The following COL6A1 variants were observed in gnomAD, a reference collection of about 807,000 sequenced individuals.
COL6A1 encodes collagen alpha-1(VI) chain.
In COL6A1, 80 loss-of-function variants were observed where a neutral mutation model predicts 145.6. The ratio of observed to expected loss-of-function variants is 0.55; its 90% CI spans 0.46 to 0.66. The LOEUF is 0.66. Among genes scored for constraint, COL6A1 ranks in the 30% least tolerant of loss-of-function variants. COL6A1 has a pLI of 0.00. For synonymous variants in COL6A1, 638 were observed against 622.8 expected (o/e 1.02, Z -0.36); for missense variants, 1,364 against 1,473.8 (o/e 0.93, Z 1.22).
rs115289817 is a variant in COL6A1, at chr21:46,004,100, C to T, written c.*87C>T. ...GAGTAAAATGTGATGCGAATTTTCCCGACCAACCTGATTCGCTAGATTTTT... is the reference window on the plus strand; with the variant it reads ...GAGTAAAATGTGATGCGAATTTTCCTGACCAACCTGATTCGCTAGATTTTT... On this transcript the variant is annotated 3_prime_UTR_variant, in exon 35 of 35. Transcript: ENST00000361866. 2.0e-3 allele frequency: 3,013 copies of T among 1,533,632 alleles called. 51 individuals carry two copies. In the African/African-American group the frequency reaches 0.038, roughly 19 times the overall value.
At chr21:45,999,893 T>TGGGA (rs2077829295) in intron 27 of COL6A1, among the ~76,000 whole-genome samples, 1 of 43,410 alleles carries the variant, frequency 2.3e-5, no homozygotes, top group African/African-American at 9.4e-5. Flanking sequence ...GTGAGGACCA[T>TGGGA]AGAGGGGACA....
In COL6A1 at chr21:46,003,717, TCGTCCGGCG is replaced by T; in HGVS notation, c.2793_2801del (p.Ser932_Ala934del). On this transcript the variant is annotated inframe_deletion, in exon 35 of 35. Coordinates refer to ENST00000361866, the MANE Select transcript of COL6A1 (RefSeq NM_001848.3). ...TGTGACCCGCTTCTACCGCGAGGCC[TCGTCCGGCG>T]CTGCCAAGAAGAGGCTGCTGCTCTT... 1 of 1,613,000 alleles carries T rather than the reference TCGTCCGGCG, an allele frequency of 6.2e-7. No individual in the cohort carries two copies. The highest frequency in any genetic ancestry group is 8.5e-7 in the Non-Finnish European group (1 of 1,179,906).
chr21:45,997,300 G>C (rs1371624932), intron 20 of COL6A1, 121 bp from the exon 21 acceptor site: 1 of 915,854 alleles, frequency 1.1e-6, no homozygotes, highest in East Asian at 2.5e-5. Context: ...GCACTGATGG[G>C]ACTGGGGCCA....
In COL6A1 at chr21:45,988,433, G is replaced by T. The variant is rs4991672; in HGVS notation, c.805-651G>T. Reference sequence around the variant, plus strand: ...GGAGGGGACGTCGGGGCTCCAGATGGAGGGGACGGCGGGGTCCAGATGGAG... The same window carrying T: ...GGAGGGGACGTCGGGGCTCCAGATGTAGGGGACGGCGGGGTCCAGATGGAG... On this transcript the variant is annotated intron_variant, in intron 8 of 34. Transcript: ENST00000361866. 0.023 allele frequency among the ~76,000 whole-genome samples: 734 copies of T among 32,546 alleles called. 136 individuals are homozygous for T. The East Asian group carries it at 0.39, about 17-fold the overall frequency. 21.4% of individuals were successfully genotyped at this position (32,546 alleles called of 152,430 possible). A position where few individuals can be genotyped will look rare whatever the true frequency, so the allele number is the denominator to read the frequency against.
intron 28 of COL6A1, 49 bp from the exon 29 acceptor site, chr21:46,000,710 G>T: frequency 6.2e-7 from 1 of 1,613,638 alleles, no homozygotes; most frequent in Non-Finnish European, 8.5e-7. Context: ...TCTGACGTGC[G>T]CAGGACGCGG....
chr21:45,986,286 G>A (rs552528559), intron 3 of COL6A1, among the ~76,000 whole-genome samples: 1 of 152,318 alleles, frequency 6.6e-6, no homozygotes, highest in African/African-American at 2.4e-5. Flanking sequence ...CTCCTTTGGG[G>A]TCATGGGTGC....
intron 4 of COL6A1, 44 bp from the exon 5 acceptor site, chr21:45,986,900 A>G (rs1362185895): frequency 1.3e-6 from 2 of 1,537,128 alleles, no homozygotes; most frequent in Middle Eastern, 1.8e-4. Flanking sequence ...CCCGGCCGTC[A>G]GGGGTCCCAG....
At position 45,983,300 on chromosome 21, in the gene COL6A1, G is replaced by A. The variant is rs191953808; in HGVS notation, c.227+537G>A. Among the ~76,000 whole-genome samples, 238 of 152,172 alleles carry A rather than the reference G, an allele frequency of 1.6e-3. 2 individuals carry two copies. Among genetic ancestry groups the A allele is most frequent in the East Asian group, 5.8e-3 (30 of 5,156 alleles). On this transcript the variant is annotated intron_variant, in intron 2 of 34. Transcript: ENST00000361866. ...AGGCTTGGTTCTGGGCTTGGGACACGGCACCCTCTGCTCCACGTTCCTCCA... is the reference window on the plus strand; with the variant it reads ...AGGCTTGGTTCTGGGCTTGGGACACAGCACCCTCTGCTCCACGTTCCTCCA...
In COL6A1 at chr21:45,994,278, G is replaced by T. The variant is rs1453436597; in HGVS notation, c.1398+49G>T. On this transcript the variant is annotated intron_variant, in intron 20 of 34. Coordinates refer to ENST00000361866, the MANE Select transcript of COL6A1 (RefSeq NM_001848.3). The surrounding 1 kb of genome is among the most constrained non-coding windows in gnomAD (Gnocchi z 6.8). ...GGGCGTTGGCCAATTTGGGTTTTGG[G>T]GGTAGAAGTGCTCCAGCAGCTCACG... 12 of 1,552,470 alleles carry T rather than the reference G, an allele frequency of 7.7e-6. No homozygotes were observed. Among genetic ancestry groups the T allele is most frequent in the Non-Finnish European group, 1.1e-5 (12 of 1,137,044 alleles).
intron 19 of COL6A1, 52 bp downstream of exon 19, chr21:45,992,862 G>C: frequency 1.3e-6 from 2 of 1,514,852 alleles, no homozygotes; most frequent in Non-Finnish European, 1.8e-6. Context: ...GGCAGGCGGA[G>C]GCTGGGGCTG....
Position 45,998,441 on chromosome 21 carries a change from C to T in COL6A1, c.1611+8C>T, listed in dbSNP as rs376055208. ...GGCGCTCCCGGGATAAACGTGAGTA[C>T]GCCCCCTCCTCCATCTGGCTGTGGG... On this transcript the variant is annotated splice_region_variant and intron_variant, in intron 24 of 34. Transcript: ENST00000361866. 33 of 1,613,110 alleles carry T rather than the reference C, an allele frequency of 2.0e-5. No homozygotes were observed. The highest frequency in any genetic ancestry group is 1.1e-4 in the African/African-American group (8 of 74,934).
intron 30 of COL6A1, 55 bp from the exon 31 acceptor site, chr21:46,001,906 G>A: frequency 2.7e-6 from 4 of 1,507,662 alleles, no homozygotes; most frequent in South Asian, 2.3e-5. Flanking sequence ...CCCTTGGGAA[G>A]CTTATGCGGA....
At chr21:45,996,168 C>T (rs867541931) in intron 20 of COL6A1, among the ~76,000 whole-genome samples, 1 of 152,242 alleles carries the variant, frequency 6.6e-6, no homozygotes, top group Non-Finnish European at 1.5e-5. Context: ...CTGCCTCCCA[C>T]TTACCTGGCC....
rs756721202 is a variant in COL6A1, at chr21:46,003,446, G to A, written c.2520G>A (p.Val840=). The change falls in exon 35 of 35, where the codon GTG becomes GTA. Residue 840 remains valine, a synonymous_variant. Coordinates refer to ENST00000361866, the MANE Select transcript of COL6A1 (RefSeq NM_001848.3). ...ITILLDGSAS[V]GSHNFDTTKR... is the part of the protein sequence containing the mutation. ...TCCTGCTGGACGGCTCCGCCAGCGT[G>A]GGCAGCCACAACTTTGACACCACCA... 5.6e-6 allele frequency: 9 copies of A among 1,605,294 alleles called. No homozygotes were observed. The highest frequency in any genetic ancestry group is 7.6e-6 in the Non-Finnish European group (9 of 1,179,696).
chr21:45,986,398 A>C, intron 3 of COL6A1, 128 bp from the exon 4 acceptor site: 1 of 865,930 alleles, frequency 1.2e-6, no homozygotes, highest in Non-Finnish European at 1.9e-6. Flanking sequence ...CCCACCGTAT[A>C]GCCAGGATCA....
At chr21:45,986,747 C>G in intron 4 of COL6A1, 62 bp downstream of exon 4, 1 of 1,531,242 alleles carries the variant, frequency 6.5e-7, no homozygotes, top group Non-Finnish European at 8.8e-7. Flanking sequence ...TGCAAGGCCC[C>G]CGGCAGCTGG....
intron 33 of COL6A1, 117 bp from the exon 34 acceptor site, chr21:46,003,003 C>G: frequency 6.7e-7 from 1 of 1,484,724 alleles, no homozygotes; most frequent in Non-Finnish European, 9.3e-7. Context: ...TCCCGGCTCG[C>G]TGTGACTTCC....
intron 2 of COL6A1, among the ~76,000 whole-genome samples, chr21:45,983,781 G>C (rs1334168363): frequency 6.6e-6 from 1 of 151,586 alleles, no homozygotes; most frequent in Non-Finnish European, 1.5e-5. Flanking sequence ...TGTGAAATGG[G>C]GCGGAGTCAT....
Position 46,001,056 on chromosome 21 carries a change from C to G in COL6A1, c.1823-197C>G, listed in dbSNP as rs567086719. On this transcript the variant is annotated intron_variant, in intron 29 of 34. Transcript: ENST00000361866. ...CCACCCTAGCCTGGCTGAGCAACGC[C>G]AGCCCTGACCAGCCGCCGGACAGAG... The G allele has an allele frequency of 6.5e-5, 52 of 796,448 alleles. No homozygotes were observed. In the East Asian group the frequency reaches 1.2e-3, roughly 19 times the overall value. 49.3% of individuals were successfully genotyped at this position (796,448 alleles called of 1,614,324 possible).
Sources: allele counts gnomAD v4.1 joint callset (sites outside exome capture counted in the v4.1 genomes callset), GRCh38; gene constraint gnomAD v4.1.1; non-coding constraint Gnocchi (gnomAD v3.1); transcripts MANE v1.5; gene names NCBI Gene and HGNC (gene_info 2026-07-23, HGNC 2026-07-21).